MAST4: variants seen among roughly 807,000 people sequenced by gnomAD.
The protein encoded by MAST4 is microtubule-associated serine/threonine-protein kinase 4.
MAST4 carries 89 observed loss-of-function variants against 162.7 expected under a neutral mutation model. The ratio of observed to expected loss-of-function variants is 0.55; its 90% confidence interval spans 0.46 to 0.65. MAST4 has a LOEUF of 0.65. MAST4 is among the 30% of genes least tolerant of loss of function. The pLI, the probability that MAST4 is intolerant of heterozygous loss-of-function variation, is 0.00. For synonymous variants in MAST4, 1,479 were observed against 1,361.1 expected (o/e 1.09, Z -1.91); for missense variants, 3,153 against 3,374.0 (o/e 0.93, Z 1.62).
chr5:66,609,047 C>T (rs1743097782), intron 1 of MAST4, among the ~76,000 whole-genome samples: 1 of 148,388 alleles, frequency 6.7e-6, no homozygotes, highest in African/African-American at 2.5e-5. Flanking sequence ...ATCTTTCTCC[C>T]TTAGATTTTT....
At chr5:66,642,606 C>A (rs968613608) in intron 1 of MAST4, among the ~76,000 whole-genome samples, 1 of 152,036 alleles carries the variant, frequency 6.6e-6, no homozygotes, top group Non-Finnish European at 1.5e-5. Flanking sequence ...AGAATGACTG[C>A]CGATTTGTAA....
In MAST4 at chr5:67,163,093, A is replaced by T; in HGVS notation, c.3968-54A>T. 6.5e-7 allele frequency: 1 copy of T among 1,547,062 alleles called. No homozygotes were observed. Among genetic ancestry groups the T allele is most frequent in the Non-Finnish European group, 8.8e-7 (1 of 1,139,514 alleles). On this transcript the variant is annotated intron_variant, in intron 28 of 28. Transcript: ENST00000403625. This position sits in a 1 kb window ranked among gnomAD's most constrained non-coding sequence, Gnocchi z 7.0. ...AATACAGTCTGGGCTACAACTGTGAAAAAAAGGGGAAAATGACCATGGATG... is the reference window on the plus strand; with the variant it reads ...AATACAGTCTGGGCTACAACTGTGATAAAAAGGGGAAAATGACCATGGATG...
At chr5:67,100,358 A>T (rs2150848251) in intron 7 of MAST4, 77 bp from the exon 8 acceptor site, 1 of 1,447,846 alleles carries the variant, frequency 6.9e-7, no homozygotes, top group Non-Finnish European at 9.6e-7. Context: ...GTCCAAGTTT[A>T]ACTCATCGAT....
At chr5:66,838,779 G>A (rs1034495348) in intron 3 of MAST4, among the ~76,000 whole-genome samples, 1 of 152,158 alleles carries the variant, frequency 6.6e-6, no homozygotes, top group Non-Finnish European at 1.5e-5. Context: ...TGAACAGGGT[G>A]CATCTTTTTC....
rs1350161173 is a variant in MAST4, at chr5:67,136,612, G to A, written c.2442G>A (p.Gln814=). 4.4e-6 allele frequency: 7 copies of A among 1,607,342 alleles called. No individual in the cohort carries two copies. Among genetic ancestry groups the A allele is most frequent in the South Asian group, 1.1e-5 (1 of 89,070 alleles). Residue 814 remains glutamine (Q), a synonymous_variant, in exon 19 of 29, where the codon CAG becomes CAA. Transcript: ENST00000403625. ...ATGAGGCACCCCCACCTGATGCCCA[G>A]GATCTGATTACCTTACTCCTCAGGC... is the stretch of plus-strand genomic sequence containing the variant. ...EKDEAPPPDA[Q]DLITLLLRQN... is the part of the protein sequence containing the mutation.
chr5:66,604,720 G>T (rs1742768842), intron 1 of MAST4, among the ~76,000 whole-genome samples: 1 of 152,088 alleles, frequency 6.6e-6, no homozygotes, highest in Admixed American at 6.5e-5. Context: ...GTGATTTTGT[G>T]CCTCTTTGTG....
At position 67,153,568 on chromosome 5, in the gene MAST4, A is replaced by G; in HGVS notation, c.3636A>G (p.Glu1212=). The change falls in exon 26 of 29, where the codon GAA becomes GAG. Residue 1212 remains glutamate, a synonymous_variant. Coordinates refer to ENST00000403625, the MANE Select transcript of MAST4 (RefSeq NM_001164664.2). ...GACTTGTCCACACAGAAGTTATAGA[A>G]CTCCTACTGAAGGTATTGTATGTTT... ...VHGLVHTEVI[E]LLLKSGNKVS... 6.3e-7 allele frequency: 1 copy of G among 1,583,842 alleles called. No homozygotes were observed. The highest frequency in any genetic ancestry group is 1.2e-5 in the South Asian group (1 of 85,946).
chr5:66,780,259 T>C lies in MAST4; in HGVS notation c.518-8411T>C, dbSNP rs528219976. Among the ~76,000 whole-genome samples, 8 of 150,100 alleles carry C rather than the reference T, an allele frequency of 5.3e-5. No individual in the cohort carries two copies. The South Asian group carries it at 1.5e-3, about 29-fold the overall frequency. ...CAGCCCCTGTAAACCACTGTTACACTTTCTATGAAAGAATGCATTTGACTA... is the reference window on the plus strand; with the variant it reads ...CAGCCCCTGTAAACCACTGTTACACCTTCTATGAAAGAATGCATTTGACTA... On this transcript the variant is annotated intron_variant, in intron 2 of 28. Coordinates refer to ENST00000403625, the MANE Select transcript of MAST4 (RefSeq NM_001164664.2).
At chr5:66,945,446 C>T (rs775312321) in intron 4 of MAST4, among the ~76,000 whole-genome samples, 1 of 152,158 alleles carries the variant, frequency 6.6e-6, no homozygotes, top group Non-Finnish European at 1.5e-5. Flanking sequence ...TTTACACATA[C>T]TATCAGGAAA....
chr5:66,624,937 T>A (rs1329855928), intron 1 of MAST4, among the ~76,000 whole-genome samples: 1 of 152,220 alleles, frequency 6.6e-6, no homozygotes, highest in African/African-American at 2.4e-5. Flanking sequence ...TTGACCTTGG[T>A]CTTGGCAATA....
chr5:67,128,171 C>G (rs990439036), intron 14 of MAST4, among the ~76,000 whole-genome samples: 2 of 152,152 alleles, frequency 1.3e-5, no homozygotes, highest in Non-Finnish European at 1.5e-5. Context: ...AGCAATAATG[C>G]TTTCCCTTTT....
At chr5:66,709,419 A>G (rs1372797814) in intron 1 of MAST4, among the ~76,000 whole-genome samples, 1 of 152,144 alleles carries the variant, frequency 6.6e-6, no homozygotes, top group Non-Finnish European at 1.5e-5. Context: ...GGGCTCAAGC[A>G]ATCTTCCTGA....
chr5:66,903,409 CAAT>C (rs1404628914), intron 4 of MAST4, among the ~76,000 whole-genome samples: 2 of 150,716 alleles, frequency 1.3e-5, no homozygotes, highest in African/African-American at 2.4e-5. Flanking sequence ...ATTTGAATAA[CAAT>C]GATGTAAACA....
At position 66,658,675 on chromosome 5, in the gene MAST4, C is replaced by T. The variant is rs568667668; in HGVS notation, c.363+61657C>T. On this transcript the variant is annotated intron_variant, in intron 1 of 28. Coordinates refer to ENST00000403625, the MANE Select transcript of MAST4 (RefSeq NM_001164664.2). ...TCTTTAATGGTTCCTTCATTAGTGA[C>T]GTTTGCATGCCCCCTGGGTGCCAGA... Among the ~76,000 whole-genome samples the T allele has an allele frequency of 5.3e-5, 8 of 152,202 alleles. No individual in the cohort carries two copies. The East Asian group carries it at 5.8e-4, about 11-fold the overall frequency.
intron 1 of MAST4, among the ~76,000 whole-genome samples, chr5:66,715,897 TA>T: frequency 6.6e-6 from 1 of 152,090 alleles, no homozygotes; most frequent in Non-Finnish European, 1.5e-5. Flanking sequence ...TTAATCATTA[TA>T]AAATTATACA....
At chr5:66,667,671 A>G (rs1747349468) in intron 1 of MAST4, among the ~76,000 whole-genome samples, 1 of 152,134 alleles carries the variant, frequency 6.6e-6, no homozygotes, top group African/African-American at 2.4e-5. Flanking sequence ...GTGAATTTTA[A>G]TCTGTTCTTC....
rs1467809355 is a variant in MAST4 at position 66,788,868 on chromosome 5, T to C, written c.642+74T>C. The C allele has an allele frequency of 2.8e-6, 4 of 1,432,328 alleles. No individual in the cohort carries two copies. In the East Asian group the frequency reaches 7.8e-5, roughly 28 times the overall value. 88.7% of individuals were successfully genotyped at this position (1,432,328 alleles called of 1,614,324 possible). On this transcript the variant is annotated intron_variant, in intron 3 of 28. Coordinates refer to ENST00000403625, the MANE Select transcript of MAST4 (RefSeq NM_001164664.2). Reference sequence around the variant, plus strand: ...CTAGGGACAATTTAAGTTAATTGAGTTTAACTATATTTAAACTTACCCACA... The same window carrying C: ...CTAGGGACAATTTAAGTTAATTGAGCTTAACTATATTTAAACTTACCCACA...
At chr5:66,852,430 G>T (rs1440509783) in intron 3 of MAST4, among the ~76,000 whole-genome samples, 1 of 152,148 alleles carries the variant, frequency 6.6e-6, no homozygotes, top group South Asian at 2.1e-4. Context: ...ACAGGTATGA[G>T]CCACCGTGCC....
Position 66,949,159 on chromosome 5 carries a change from A to G in MAST4, c.674+49177A>G, listed in dbSNP as rs56041567. ...ACAACTTGTCCATACTATGATCTGG[A>G]AAAGCACAGCTTACTACAGTAGAAA... On this transcript the variant is annotated intron_variant, in intron 4 of 28. Transcript: ENST00000403625. Among the ~76,000 whole-genome samples, 743 of 152,318 alleles carry G rather than the reference A, an allele frequency of 4.9e-3. 6 individuals carry two copies. Among genetic ancestry groups the G allele is most frequent in the African/African-American group, 0.017 (702 of 41,576 alleles).
Sources: allele counts gnomAD v4.1 joint callset (sites outside exome capture counted in the v4.1 genomes callset), GRCh38; gene constraint gnomAD v4.1.1; non-coding constraint Gnocchi (gnomAD v3.1); transcripts MANE v1.5; gene names NCBI Gene and HGNC (gene_info 2026-07-23, HGNC 2026-07-21).